Variants in SNTG1 observed in about 807,000 individuals in gnomAD.
SNTG1 encodes gamma-1-syntrophin.
Under a neutral mutation model 74.7 loss-of-function variants are expected in SNTG1, and 39 were observed. The observed-to-expected ratio is 0.52, with a 90% confidence interval of 0.40 to 0.68. SNTG1 has a LOEUF of 0.68. SNTG1 is among the 30% of genes least tolerant of loss of function. The pLI, the probability that SNTG1 is intolerant of heterozygous loss-of-function variation, is 0.00. For missense variants in SNTG1, 685 were observed against 609.5 expected (o/e 1.12, Z -1.30); for synonymous variants, 254 against 217.1 (o/e 1.17, Z -1.49).
chr8:50,448,876 T>C (rs1425150819), intron 5 of SNTG1, among the ~76,000 whole-genome samples: 1 of 131,262 alleles, frequency 7.6e-6, no homozygotes, highest in African/African-American at 2.5e-5. Context: ...CTACTAAAAA[T>C]ACAAAAATTA....
chr8:50,767,273 C>T (rs920160202), intron 18 of SNTG1, among the ~76,000 whole-genome samples: 1 of 151,908 alleles, frequency 6.6e-6, no homozygotes, highest in African/African-American at 2.4e-5. Context: ...ATATGTATTA[C>T]AACATTAAAC....
chr8:50,660,369 AG>A (rs1250988408), intron 15 of SNTG1, among the ~76,000 whole-genome samples: 16 of 121,892 alleles, frequency 1.3e-4, no homozygotes, highest in African/African-American at 3.1e-4. Flanking sequence ...AGAGAGAGAG[AG>A]AAAGAAGGAA....
chr8:50,110,808 T>C (rs2080555285), intron 1 of SNTG1, among the ~76,000 whole-genome samples: 3 of 151,924 alleles, frequency 2.0e-5, no homozygotes, highest in African/African-American at 7.3e-5. Context: ...ATGTTCCAAT[T>C]AAAATTTTAT....
intron 1 of SNTG1, among the ~76,000 whole-genome samples, chr8:50,088,117 T>A (rs1388875274): frequency 6.6e-6 from 1 of 150,816 alleles, no homozygotes; most frequent in Non-Finnish European, 1.5e-5. Flanking sequence ...GAACTCATCA[T>A]TTTTTATGGC....
In SNTG1 at chr8:50,313,553, A is replaced by G. The variant is rs2090198690; in HGVS notation, c.-27-80659A>G. On this transcript the variant is annotated intron_variant, in intron 2 of 18. Coordinates refer to ENST00000642720, the MANE Select transcript of SNTG1 (RefSeq NM_018967.5). ...ACAAATGGCCAAAAATAAAAGAAAA[A>G]ATGTGCAACATCGTTAATCATCAGA... Among the ~76,000 whole-genome samples the G allele has an allele frequency of 1.3e-5, 2 of 149,928 alleles. 1 individual carries two copies. The highest frequency in any genetic ancestry group is 4.5e-4 in the South Asian group (2 of 4,486).
At chr8:49,983,833 A>C (rs2130185291) in intron 1 of SNTG1, among the ~76,000 whole-genome samples, 1 of 152,366 alleles carries the variant, frequency 6.6e-6, no homozygotes, top group Admixed American at 6.5e-5. Flanking sequence ...ATGTTGCTCT[A>C]CTGAAAATTT....
chr8:50,624,722 A>G (rs564100052), intron 13 of SNTG1, among the ~76,000 whole-genome samples: 1 of 152,294 alleles, frequency 6.6e-6, no homozygotes, highest in African/African-American at 2.4e-5. Context: ...TACAGTACTT[A>G]GTTCATGCAT....
chr8:50,484,881 A>G (rs950772274), intron 8 of SNTG1, among the ~76,000 whole-genome samples: 6 of 152,034 alleles, frequency 3.9e-5, no homozygotes, highest in African/African-American at 1.4e-4. Context: ...GAAAAAAGAA[A>G]AGAAAAAGAA....
chr8:50,483,617 CAAATGACTCATGCAGTGGACGG>C (rs1477208691), intron 8 of SNTG1, among the ~76,000 whole-genome samples: 1 of 152,068 alleles, frequency 6.6e-6, no homozygotes, highest in Non-Finnish European at 1.5e-5. Flanking sequence ...ATAGCATGTT[CAAATGACTCATGCAGTGGACGG>C]AAATGACAGT....
intron 17 of SNTG1, among the ~76,000 whole-genome samples, chr8:50,724,863 A>C (rs916127682): frequency 6.6e-6 from 1 of 152,200 alleles, no homozygotes; most frequent in African/African-American, 2.4e-5. Flanking sequence ...TAATAGAGAT[A>C]GTTTAATTTG....
At chr8:49,913,275 T>C (rs1414811462) in intron 1 of SNTG1, among the ~76,000 whole-genome samples, 2 of 152,214 alleles carry the variant, frequency 1.3e-5, no homozygotes, top group Non-Finnish European at 2.9e-5. Flanking sequence ...ATCAACTCTG[T>C]GAAAAGAGTC....
intron 4 of SNTG1, among the ~76,000 whole-genome samples, chr8:50,420,960 G>C (rs2093074537): frequency 7.0e-6 from 1 of 142,358 alleles, no homozygotes; most frequent in Non-Finnish European, 1.5e-5. Context: ...AGGAGGTGGA[G>C]GTTATGGTGA....
intron 1 of SNTG1, among the ~76,000 whole-genome samples, chr8:50,137,671 C>T (rs1380255850): frequency 6.6e-6 from 1 of 152,148 alleles, no homozygotes; most frequent in Non-Finnish European, 1.5e-5. Context: ...AAGGTCAGAC[C>T]TGGCAAGGGC....
chr8:50,440,255 A>G (rs1411927844), intron 5 of SNTG1, among the ~76,000 whole-genome samples: 2 of 151,972 alleles, frequency 1.3e-5, no homozygotes, highest in Non-Finnish European at 2.9e-5. Flanking sequence ...CAAGAAATAC[A>G]AACATCAAGA....
chr8:50,737,887 T>C (rs2095532915), intron 17 of SNTG1, among the ~76,000 whole-genome samples: 1 of 151,950 alleles, frequency 6.6e-6, no homozygotes, highest in African/African-American at 2.4e-5. Context: ...CTCAATAAAA[T>C]AAGTATTGAT....
At chr8:50,634,196 C>T (rs1173196365) in intron 13 of SNTG1, among the ~76,000 whole-genome samples, 1 of 152,156 alleles carries the variant, frequency 6.6e-6, no homozygotes, top group Non-Finnish European at 1.5e-5. Flanking sequence ...CTAAATAAAC[C>T]TCATTATATT....
intron 2 of SNTG1, among the ~76,000 whole-genome samples, chr8:50,179,711 A>G (rs950102158): frequency 6.6e-6 from 1 of 152,202 alleles, no homozygotes; most frequent in African/African-American, 2.4e-5. Context: ...GGAAAATGCA[A>G]ATCAAAATCA....
At chr8:50,512,296 A>G (rs554531085) in intron 9 of SNTG1, among the ~76,000 whole-genome samples, 1 of 151,578 alleles carries the variant, frequency 6.6e-6, no homozygotes, top group East Asian at 2.0e-4. Context: ...CTGTTAGTCT[A>G]ATGGACTTCC....
At chr8:50,163,982 A>G (rs529486267) in intron 1 of SNTG1, 62 of 151,796 alleles carry the variant, frequency 4.1e-4, no homozygotes, top group African/African-American at 1.5e-3. Flanking sequence ...GAACTGACAG[A>G]CTGAAATCTA....
Sources: gnomAD v4.1 joint callset for allele counts (sites outside exome capture counted in the v4.1 genomes callset) on GRCh38, gnomAD v4.1.1 for gene constraint, MANE v1.5 for transcripts, NCBI Gene and HGNC (gene_info 2026-07-23, HGNC 2026-07-21) for gene names.